Variants in CECR2 observed in about 807,000 individuals in gnomAD.
CECR2 encodes the protein CECR2 histone acetyl-lysine reader.
In CECR2, 30 loss-of-function variants were observed where a neutral mutation model predicts 154.5. The observed-to-expected ratio is 0.19, with a 90% CI of 0.15 to 0.26. The LOEUF is 0.26. Ranked by LOEUF, CECR2 falls within the 10% of genes least tolerant of loss-of-function variation. CECR2 has a pLI of 1.00. For synonymous variants in CECR2, 725 were observed against 683.7 expected, an observed-to-expected ratio of 1.06 and a Z score of -0.94; for missense variants, 1,743 against 1,829.3, an observed-to-expected ratio of 0.95 and a Z score of 0.86.
chr22:17,493,408 A>G (rs2055566279), intron 2 of CECR2, among the ~76,000 whole-genome samples: 1 of 152,204 alleles, frequency 6.6e-6, no homozygotes, highest in South Asian at 2.1e-4. Context: ...CAGTAAGTCA[A>G]AAGAATTAGC....
intron 1 of CECR2, among the ~76,000 whole-genome samples, chr22:17,381,459 C>G (rs2063188075): frequency 6.6e-6 from 1 of 152,128 alleles, no homozygotes; most frequent in South Asian, 2.1e-4. Context: ...GAGTGCATAA[C>G]CCTGGATTTT....
chr22:17,550,762 G>A (rs1213770411), intron 17 of CECR2, among the ~76,000 whole-genome samples: 1 of 152,172 alleles, frequency 6.6e-6, no homozygotes, highest in Non-Finnish European at 1.5e-5. Flanking sequence ...CTAACACGGT[G>A]AAACCCCGTC....
intron 2 of CECR2, among the ~76,000 whole-genome samples, chr22:17,497,164 G>T (rs1215971226): frequency 1.3e-5 from 2 of 152,104 alleles, no homozygotes; most frequent in Non-Finnish European, 2.9e-5. Flanking sequence ...GTGTGGTGGT[G>T]CATGCCTGTG....
rs1340435206 is a variant in CECR2, at chr22:17,446,114, C to T, written c.127-31474C>T. On this transcript the variant is annotated intron_variant, in intron 1 of 18. Transcript: ENST00000262608. ...TTGTTTACAGATACCTCACTCCAGA[C>T]CTAGATGAATCAAAATAGCCATTAA... 2.0e-5 allele frequency among the ~76,000 whole-genome samples: 3 copies of T among 152,086 alleles called. No homozygotes were observed. The East Asian group carries it at 5.8e-4, about 29-fold the overall frequency.
chr22:17,464,355 C>T (rs1163537047), intron 1 of CECR2, among the ~76,000 whole-genome samples: 2 of 152,220 alleles, frequency 1.3e-5, no homozygotes, highest in Admixed American at 6.5e-5. Flanking sequence ...CATATTCTCC[C>T]TGCTGCTTAT....
intron 2 of CECR2, among the ~76,000 whole-genome samples, chr22:17,488,215 C>T (rs182337976): frequency 2.6e-5 from 4 of 152,234 alleles, no homozygotes; most frequent in East Asian, 1.9e-4. Context: ...TCTAGCATTG[C>T]GTAATAGATT....
intron 7 of CECR2, among the ~76,000 whole-genome samples, chr22:17,508,136 A>AAT (rs2055879991): frequency 6.6e-6 from 1 of 152,198 alleles, no homozygotes; most frequent in Non-Finnish European, 1.5e-5. Flanking sequence ...AACCATTTAT[A>AAT]CCACTGTGGT....
intron 1 of CECR2, among the ~76,000 whole-genome samples, chr22:17,433,066 A>G (rs1352940559): frequency 6.6e-6 from 1 of 152,212 alleles, no homozygotes; most frequent in African/African-American, 2.4e-5. Context: ...TGGTTGCCTA[A>G]GTACTGCACT....
chr22:17,368,511 G>T (rs2063016110), upstream of CECR2, among the ~76,000 whole-genome samples: 2 of 151,936 alleles, frequency 1.3e-5, no homozygotes, highest in Admixed American at 6.6e-5. Context: ...TTTTTCTTAG[G>T]ATTTAGCAGT....
At chr22:17,438,956 A>G (rs941459180) in intron 1 of CECR2, among the ~76,000 whole-genome samples, 2 of 152,156 alleles carry the variant, frequency 1.3e-5, no homozygotes, top group Admixed American at 6.5e-5. Flanking sequence ...TGGGAGGATC[A>G]CTTGAGGCCA....
At chr22:17,361,184 AG>A in intron 1 of CECR2, among the ~76,000 whole-genome samples, 1 of 152,104 alleles carries the variant, frequency 6.6e-6, no homozygotes, top group African/African-American at 2.4e-5. Context: ...AACAAAACAA[AG>A]CAAAACAAAA....
At chr22:17,514,961 T>G (rs2056024057) in intron 8 of CECR2, among the ~76,000 whole-genome samples, 1 of 150,210 alleles carries the variant, frequency 6.7e-6, no homozygotes. Flanking sequence ...AGGCAGAGTT[T>G]GCAGTGAGCC....
At chr22:17,376,202 T>C (rs1230509952) in intron 1 of CECR2, among the ~76,000 whole-genome samples, 2 of 152,158 alleles carry the variant, frequency 1.3e-5, no homozygotes, top group Admixed American at 6.5e-5. Context: ...TACCCACGCT[T>C]TGAAAGGAAA....
chr22:17,529,127 G>C (rs1223371628), intron 9 of CECR2, among the ~76,000 whole-genome samples: 2 of 152,152 alleles, frequency 1.3e-5, no homozygotes, highest in African/African-American at 4.8e-5. Flanking sequence ...CTGAAGATTT[G>C]ACATTTAAAT....
In CECR2 at chr22:17,396,373, C is replaced by A. The variant is rs560315173; in HGVS notation, c.126+26464C>A. 1.7e-4 allele frequency among the ~76,000 whole-genome samples: 26 copies of A among 152,264 alleles called. No homozygotes were observed. The East Asian group carries it at 5.0e-3, about 29-fold the overall frequency. On this transcript the variant is annotated intron_variant, in intron 1 of 18. Transcript: ENST00000262608. ...CAGCCTGGCCAATGTGGCAAAACCCCGTCTCTACTACGAAATACAAAAATT... is the reference window on the plus strand; with the variant it reads ...CAGCCTGGCCAATGTGGCAAAACCCAGTCTCTACTACGAAATACAAAAATT...
chr22:17,376,506 C>T lies in CECR2; in HGVS notation c.126+6597C>T, dbSNP rs144386561. ...GTGCTGGGGCTCGCACAATGCAGTG[C>T]GCTTGGCAGAGTGCGGAAAACTGCA... On this transcript the variant is annotated intron_variant, in intron 1 of 18. Transcript: ENST00000262608. Among the ~76,000 whole-genome samples the T allele has an allele frequency of 2.1e-3, 314 of 151,956 alleles. 2 individuals carry two copies. Among genetic ancestry groups the T allele is most frequent in the African/African-American group, 7.2e-3 (296 of 41,338 alleles).
rs143601581 is a variant in CECR2 at position 17,453,403 on chromosome 22, T to C, written c.127-24185T>C. On this transcript the variant is annotated intron_variant, in intron 1 of 18. Coordinates refer to ENST00000262608, the MANE Select transcript of CECR2 (RefSeq NM_001290047.2). ...GTTGTGGTGAGTCGAGATTGCGCCA[T>C]TGCACTCCAGCCTGGGCAACAAGAG... Among the ~76,000 whole-genome samples, 1,052 of 152,150 alleles carry C rather than the reference T, an allele frequency of 6.9e-3. 12 individuals are homozygous for C. The highest frequency in any genetic ancestry group is 0.024 in the African/African-American group (992 of 41,478).
At chr22:17,401,150 C>T (rs146071602) in intron 1 of CECR2, among the ~76,000 whole-genome samples, 1,944 of 152,164 alleles carry the variant, frequency 0.013, 41 homozygotes, top group Admixed American at 0.057. Context: ...TTCATCTCCC[C>T]TAAAGAAAGA....
chr22:17,545,823 A>T (rs1332708913), intron 16 of CECR2, among the ~76,000 whole-genome samples: 4 of 150,024 alleles, frequency 2.7e-5, no homozygotes, highest in Non-Finnish European at 5.9e-5. Flanking sequence ...AGCCTGGGCA[A>T]CAGAGCAAGA....
Sources: gnomAD v4.1 joint callset for allele counts (sites outside exome capture counted in the v4.1 genomes callset) on GRCh38, gnomAD v4.1.1 for gene constraint, MANE v1.5 for transcripts, NCBI Gene and HGNC (gene_info 2026-07-23, HGNC 2026-07-21) for gene names.